ODF2L: variants seen among roughly 807,000 people sequenced by gnomAD.
ODF2L encodes protein BCAP.
ODF2L carries 76 observed loss-of-function variants against 86.3 expected under a neutral mutation model. The ratio of observed to expected loss-of-function variants is 0.88; its 90% confidence interval spans 0.73 to 1.07. The LOEUF (loss-of-function observed/expected upper bound fraction) is 1.07, where lower values mean the gene tolerates loss of function less well. Ranked by LOEUF, ODF2L falls within the 50% of genes least tolerant of loss-of-function variation. The pLI is 0.00. For missense variants in ODF2L, 748 were observed against 717.4 expected, an observed-to-expected ratio of 1.04 and a Z score of -0.49; for synonymous variants, 241 against 231.3, an observed-to-expected ratio of 1.04 and a Z score of -0.38.
intron 7 of ODF2L, among the ~76,000 whole-genome samples, chr1:86,379,027 T>C (rs971275681): frequency 6.7e-6 from 1 of 149,292 alleles, no homozygotes; most frequent in Non-Finnish European, 1.5e-5. Flanking sequence ...GAAATCAGGT[T>C]GTTTAAAAGT....
intron 9 of ODF2L, among the ~76,000 whole-genome samples, chr1:86,371,654 C>T (rs1438888952): frequency 6.6e-6 from 1 of 152,052 alleles, no homozygotes; most frequent in Non-Finnish European, 1.5e-5. Flanking sequence ...TAATACATTT[C>T]AAATAATAAA....
At chr1:86,384,302 T>C (rs1660782512) in intron 4 of ODF2L, among the ~76,000 whole-genome samples, 1 of 151,818 alleles carries the variant, frequency 6.6e-6, no homozygotes. Flanking sequence ...CACTGAATTT[T>C]ATAATTTAAA....
Position 86,393,123 on chromosome 1 carries a change from T to A in ODF2L, c.-60+2910A>T, listed in dbSNP as rs557602672. 3.2e-4 allele frequency among the ~76,000 whole-genome samples: 49 copies of A among 152,324 alleles called. 1 individual carries two copies. The highest frequency in any genetic ancestry group is 1.1e-3 in the African/African-American group (45 of 41,572). Reference sequence around the variant, plus strand: ...ACCTTCCTTAACACCTAGATCAGACTAAGTAAATTAACTAACTTCAGATGA... The same window carrying A: ...ACCTTCCTTAACACCTAGATCAGACAAAGTAAATTAACTAACTTCAGATGA... On this transcript the variant is annotated intron_variant, in intron 1 of 17. Transcript: ENST00000317336.
chr1:86,360,377 T>C, intron 12 of ODF2L, 49 bp downstream of exon 11: 1 of 839,108 alleles, frequency 1.2e-6, no homozygotes, highest in East Asian at 2.5e-5. Flanking sequence ...AATAGTGTTT[T>C]AAATTGTCTA....
rs768228 is a variant in ODF2L at position 86,382,460 on chromosome 1, G to A, written c.508-102C>T. On this transcript the variant is annotated intron_variant, in intron 6 of 17. Transcript: ENST00000317336. ...CCCTGATTTAGGCACAATCTAAACA[G>A]CTGATAAAAAGCAAAGCACTACTTT... 166 of 1,530,274 alleles carry A rather than the reference G, an allele frequency of 1.1e-4. No homozygotes were observed. In the African/African-American group the frequency reaches 2.1e-3, roughly 19 times the overall value. The allele number at this position is 1,530,274 out of a possible 1,614,324, so 94.8% of individuals were successfully genotyped here. A position where few individuals can be genotyped will look rare whatever the true frequency, so the allele number is the denominator to read the frequency against.
intron 1 of ODF2L, among the ~76,000 whole-genome samples, chr1:86,388,532 A>G (rs1661098555): frequency 6.6e-6 from 1 of 152,120 alleles, no homozygotes; most frequent in Non-Finnish European, 1.5e-5. Context: ...CGAAAACATT[A>G]AGGCTTAGAG....
intron 9 of ODF2L, 75 bp from the exon 10 acceptor site, chr1:86,371,228 C>T: frequency 4.0e-6 from 3 of 749,076 alleles, no homozygotes; most frequent in Non-Finnish European, 6.0e-6. Context: ...AAGTGTGTTT[C>T]TGAAATCACT....
intron 17 of ODF2L, 68 bp downstream of exon 16, chr1:86,352,791 G>GTATT (rs1558000523): frequency 5.3e-6 from 5 of 945,792 alleles, no homozygotes; most frequent in Non-Finnish European, 6.3e-6. Flanking sequence ...CACTCACTTT[G>GTATT]TATTTTCTAC....
At chr1:86,383,860 T>C (rs957481836) in intron 4 of ODF2L, among the ~76,000 whole-genome samples, 1 of 151,670 alleles carries the variant, frequency 6.6e-6, no homozygotes, top group East Asian at 1.9e-4. Flanking sequence ...CATGAGAAAA[T>C]ATTGATGATA....
At chr1:86,394,917 G>T (rs34834083) in intron 1 of ODF2L, among the ~76,000 whole-genome samples, 5,675 of 143,794 alleles carry the variant, frequency 0.039, 177 homozygotes, top group African/African-American at 0.083. Context: ...CTCGGCTCAC[G>T]GCAAGCTCCG....
intron 7 of ODF2L, among the ~76,000 whole-genome samples, chr1:86,381,651 G>A (rs1002089325): frequency 2.6e-5 from 4 of 151,610 alleles, no homozygotes; most frequent in Non-Finnish European, 4.4e-5. Flanking sequence ...TGTATGATAT[G>A]CCACCTCAAA....
At chr1:86,348,556 C>T (rs1022939046), downstream of ODF2L, 2 of 343,474 alleles carry the variant, frequency 5.8e-6, no homozygotes, top group Non-Finnish European at 9.4e-6. Context: ...ATCCAGCAAA[C>T]AGGAATAGTA....
intron 1 of ODF2L, among the ~76,000 whole-genome samples, chr1:86,394,096 C>T (rs1188575031): frequency 2.0e-5 from 3 of 152,162 alleles, no homozygotes; most frequent in Non-Finnish European, 4.4e-5. Context: ...TTATAAACAT[C>T]ATCTCACAAA....
chr1:86,355,375 C>T, intron 14 of ODF2L: 1 of 1,534,004 alleles, frequency 6.5e-7, no homozygotes, highest in Non-Finnish European at 8.8e-7. Context: ...CTTCCCACTG[C>T]TTCAAAATCT....
intron 12 of ODF2L, 122 bp downstream of exon 11, chr1:86,360,304 C>A: frequency 1.8e-6 from 1 of 548,180 alleles, no homozygotes; most frequent in Non-Finnish European, 3.2e-6. Context: ...TGAGACACAC[C>A]ATATTATAAC....
intron 11 of ODF2L, among the ~76,000 whole-genome samples, chr1:86,365,680 G>A (rs1659355653): frequency 6.6e-6 from 1 of 152,148 alleles, no homozygotes; most frequent in African/African-American, 2.4e-5. Flanking sequence ...CAGACCAGGG[G>A]CTATCAAAGG....
chr1:86,358,837 G>C, exon 13 of ODF2L: 1 of 1,547,004 alleles, frequency 6.5e-7, no homozygotes, highest in Non-Finnish European at 8.7e-7. Context: ...TTTTTATGTA[G>C]CAAATTTTCA....
At chr1:86,374,420 C>T (rs1414734612) in intron 8 of ODF2L, among the ~76,000 whole-genome samples, 1 of 152,052 alleles carries the variant, frequency 6.6e-6, no homozygotes, top group East Asian at 1.9e-4. Context: ...GATGGAATCA[C>T]CTTCCTAGAG....
rs772304304 is a variant in ODF2L, at chr1:86,356,480, T to G, written c.1482A>C (p.Ala494=). ...GCTCCCTAATGGTGTGTTCCTGGTC[T>G]GCACACTTCCCCTTGCAGCACTGCA... The change falls in exon 14 of 18, where the codon GCA becomes GCC. Residue 494 remains alanine (A), a synonymous_variant. Transcript: ENST00000317336. The G allele has an allele frequency of 7.4e-6, 12 of 1,613,768 alleles. No individual in the cohort carries two copies. In the African/African-American group the frequency reaches 1.3e-4, roughly 18 times the overall value.
Sources: gnomAD v4.1 joint callset for allele counts (sites outside exome capture counted in the v4.1 genomes callset) on GRCh38, gnomAD v4.1.1 for gene constraint, MANE v1.5 for transcripts, NCBI Gene and HGNC (gene_info 2026-07-23, HGNC 2026-07-21) for gene names.